Variants in PLXDC2 observed in about 807,000 individuals in gnomAD.
PLXDC2 encodes plexin domain-containing protein 2.
PLXDC2 carries 40 observed loss-of-function variants against 68.9 expected under a neutral mutation model. The observed-to-expected ratio is 0.58, with a 90% CI of 0.45 to 0.76. PLXDC2 has a LOEUF of 0.76. Among genes scored for constraint, PLXDC2 ranks in the 30% least tolerant of loss-of-function variants. PLXDC2 has a pLI of 0.00. For synonymous variants in PLXDC2, 243 were observed against 234.2 expected (o/e 1.04, Z -0.34); for missense variants, 644 against 661.9 (o/e 0.97, Z 0.30).
chr10:20,116,878 T>C (rs948959646), intron 4 of PLXDC2, among the ~76,000 whole-genome samples: 17 of 152,188 alleles, frequency 1.1e-4, no homozygotes, highest in Admixed American at 1.1e-3. Flanking sequence ...ATTCTACAGA[T>C]TGTTATTTAT....
At chr10:19,957,849 GT>G (rs566407551) in intron 1 of PLXDC2, among the ~76,000 whole-genome samples, 40 of 152,152 alleles carry the variant, frequency 2.6e-4, no homozygotes, top group Admixed American at 1.6e-3. Flanking sequence ...TACAAATCTA[GT>G]TTTTGCAATG....
At chr10:20,110,401 C>T (rs896088116) in intron 4 of PLXDC2, among the ~76,000 whole-genome samples, 1 of 152,156 alleles carries the variant, frequency 6.6e-6, no homozygotes, top group African/African-American at 2.4e-5. Flanking sequence ...TTGTCTCTCC[C>T]GCAATCTTTC....
intron 1 of PLXDC2, among the ~76,000 whole-genome samples, chr10:19,998,482 C>G (rs1834877359): frequency 6.6e-6 from 1 of 152,200 alleles, no homozygotes; most frequent in South Asian, 2.1e-4. Flanking sequence ...TATGCACGAC[C>G]AGGTAGCCTT....
intron 1 of PLXDC2, among the ~76,000 whole-genome samples, chr10:19,983,367 A>T (rs1834585187): frequency 6.6e-6 from 1 of 152,146 alleles, no homozygotes; most frequent in African/African-American, 2.4e-5. Context: ...TTTACTAAGC[A>T]TTTTTCTAAG....
At chr10:19,929,411 G>A (rs1479794162) in intron 1 of PLXDC2, among the ~76,000 whole-genome samples, 1 of 152,036 alleles carries the variant, frequency 6.6e-6, no homozygotes, top group Non-Finnish European at 1.5e-5. Flanking sequence ...GAGTAATTAG[G>A]TTCTGTTTCA....
intron 6 of PLXDC2, among the ~76,000 whole-genome samples, chr10:20,163,597 C>T (rs1249509362): frequency 1.3e-5 from 2 of 151,998 alleles, no homozygotes; most frequent in African/African-American, 4.8e-5. Context: ...TGCATTTATT[C>T]TTTTCTTTTA....
chr10:19,890,676 C>CTTT (rs56921191), intron 1 of PLXDC2, among the ~76,000 whole-genome samples: 4 of 61,132 alleles, frequency 6.5e-5, no homozygotes, highest in East Asian at 6.1e-4. Context: ...CGCCCGGCTG[C>CTTT]TTTTTTTTTT....
At chr10:19,882,602 C>T (rs10508602) in intron 1 of PLXDC2, among the ~76,000 whole-genome samples, 6,820 of 152,092 alleles carry the variant, frequency 0.045, 194 homozygotes, top group Middle Eastern at 0.12. Context: ...TGTGGTAGAG[C>T]TAAATCGATG....
At chr10:19,827,655 G>A (rs908989000) in intron 1 of PLXDC2, among the ~76,000 whole-genome samples, 3 of 151,782 alleles carry the variant, frequency 2.0e-5, no homozygotes, top group African/African-American at 7.3e-5. Context: ...CCACCTCCCG[G>A]GTTCAAGTGA....
At chr10:20,089,376 A>G (rs1833246619) in intron 4 of PLXDC2, among the ~76,000 whole-genome samples, 1 of 152,138 alleles carries the variant, frequency 6.6e-6, no homozygotes. Context: ...GGGGAAGGGA[A>G]TTGCAGGCAG....
At chr10:19,871,047 A>G (rs1298786024) in intron 1 of PLXDC2, among the ~76,000 whole-genome samples, 2 of 152,202 alleles carry the variant, frequency 1.3e-5, no homozygotes, top group East Asian at 1.9e-4. Context: ...GCCATTAGGA[A>G]CTGATTTAAT....
chr10:20,060,220 G>A (rs977386527), intron 3 of PLXDC2, among the ~76,000 whole-genome samples: 12 of 151,878 alleles, frequency 7.9e-5, no homozygotes, highest in African/African-American at 2.9e-4. Flanking sequence ...TAGAGACAGG[G>A]TCTTGCTATT....
At chr10:19,967,969 C>A (rs1462687026) in intron 1 of PLXDC2, among the ~76,000 whole-genome samples, 1 of 152,130 alleles carries the variant, frequency 6.6e-6, no homozygotes, top group Non-Finnish European at 1.5e-5. Flanking sequence ...ATATTATGTG[C>A]ATTAGCTGAA....
chr10:20,181,561 A>G (rs1834605336), intron 9 of PLXDC2, among the ~76,000 whole-genome samples: 1 of 152,054 alleles, frequency 6.6e-6, no homozygotes. Flanking sequence ...AATGATGGGT[A>G]GGCAGCTACA....
rs540788135 is a variant in PLXDC2 at position 20,156,961 on chromosome 10, C to G, written c.784-7507C>G. On this transcript the variant is annotated intron_variant, in intron 6 of 13. Transcript: ENST00000377252. ...TAGAGACAGTTTCTTGCTCTGTCAT[C>G]CAGGCTGGAGTGCAATGGCACTATC... Among the ~76,000 whole-genome samples, 28 of 152,296 alleles carry G rather than the reference C, an allele frequency of 1.8e-4. No homozygotes were observed. In the East Asian group the frequency reaches 5.4e-3, roughly 29 times the overall value.
chr10:19,937,181 G>A (rs1564633430), intron 1 of PLXDC2, among the ~76,000 whole-genome samples: 1 of 152,088 alleles, frequency 6.6e-6, no homozygotes, highest in African/African-American at 2.4e-5. Context: ...GTTTTTCAAA[G>A]TGTTACATTA....
At chr10:20,114,651 G>A (rs1186222612) in intron 4 of PLXDC2, among the ~76,000 whole-genome samples, 1 of 152,208 alleles carries the variant, frequency 6.6e-6, no homozygotes, top group African/African-American at 2.4e-5. Context: ...TCACAGACGA[G>A]GAGAAGCTTA....
intron 2 of PLXDC2, among the ~76,000 whole-genome samples, chr10:20,029,566 C>A (rs571772494): frequency 1.3e-5 from 2 of 151,700 alleles, no homozygotes; most frequent in Non-Finnish European, 2.9e-5. Flanking sequence ...TGGGACTTTG[C>A]AAGACAGAAC....
intron 13 of PLXDC2, among the ~76,000 whole-genome samples, chr10:20,250,113 C>G (rs1470921990): frequency 6.6e-6 from 1 of 151,806 alleles, no homozygotes; most frequent in Admixed American, 6.6e-5. Context: ...ACTAAAAATA[C>G]AAAAATTAGC....
Sources: allele counts gnomAD v4.1 joint callset (sites outside exome capture counted in the v4.1 genomes callset), GRCh38; gene constraint gnomAD v4.1.1; transcripts MANE v1.5; gene names NCBI Gene and HGNC (gene_info 2026-07-23, HGNC 2026-07-21).